B4GALT1: variants seen among roughly 807,000 people sequenced by gnomAD.
The protein encoded by B4GALT1 is N-acetyllactosamine synthase.
Under a neutral mutation model 34.9 loss-of-function variants are expected in B4GALT1, and 16 were observed. The observed-to-expected ratio is 0.46, with a 90% CI of 0.31 to 0.70. B4GALT1 has a LOEUF of 0.70. Among genes scored for constraint, B4GALT1 ranks in the 30% least tolerant of loss-of-function variants. The probability of loss-of-function intolerance (pLI) is 0.05; values close to 1 mark genes in which losing one functional copy is unlikely to be tolerated. For missense variants in B4GALT1, 445 were observed against 530.5 expected, an observed-to-expected ratio of 0.84 and a Z score of 1.58; for synonymous variants, 221 against 218.1, an observed-to-expected ratio of 1.01 and a Z score of -0.12.
intron 1 of B4GALT1, among the ~76,000 whole-genome samples, chr9:33,140,788 G>A (rs1170555698): frequency 2.6e-5 from 4 of 152,252 alleles, no homozygotes; most frequent in Non-Finnish European, 2.9e-5. Flanking sequence ...GGCCAGGTGC[G>A]CACCGCAAGC....
intron 2 of B4GALT1, among the ~76,000 whole-genome samples, chr9:33,122,647 G>C (rs10113903): frequency 0.38 from 57,016 of 151,818 alleles, 11,450 homozygotes; most frequent in East Asian, 0.59. Context: ...AAACCACTTA[G>C]AGAAAGAGAG....
the B4GALT1 span, among the ~76,000 whole-genome samples, chr9:33,173,648 A>G: frequency 6.9e-6 from 1 of 144,314 alleles, no homozygotes; most frequent in African/African-American, 2.6e-5. Context: ...TGGGAGCAGA[A>G]ATTTCCCAAG....
chr9:33,144,995 G>C (rs965608252), intron 1 of B4GALT1, among the ~76,000 whole-genome samples: 1 of 152,198 alleles, frequency 6.6e-6, no homozygotes, highest in African/African-American at 2.4e-5. Context: ...TTACAGTTAA[G>C]ATCAAGATGG....
chr9:33,163,561 G>T (rs562936997), intron 1 of B4GALT1, among the ~76,000 whole-genome samples: 18 of 152,246 alleles, frequency 1.2e-4, no homozygotes, highest in African/African-American at 3.9e-4. Flanking sequence ...TCAGCTTCAG[G>T]TACTGCCCAC....
At chr9:33,181,101 A>G in the B4GALT1 span, among the ~76,000 whole-genome samples, 684 of 152,164 alleles carry the variant, frequency 4.5e-3, 2 homozygotes, top group African/African-American at 0.014. Context: ...GTTCTGAGAA[A>G]TCTCCACTTC....
downstream of B4GALT1, chr9:33,108,898 T>C (rs1365158343): frequency 8.6e-5 from 3 of 34,972 alleles, no homozygotes; most frequent in Admixed American, 1.1e-3. Context: ...TTTTTTGTTC[T>C]AATATTTATG....
rs181388140 is a variant in B4GALT1 at position 33,131,467 on chromosome 9, A to G, written c.648+3722T>C. On this transcript the variant is annotated intron_variant, in intron 2 of 5. Transcript: ENST00000379731. ...AAGCGGAAGGTTGTGTAGCATTTCA[A>G]TGGGGCAGAAAGAAATCTGATACTG... 1.4e-4 allele frequency among the ~76,000 whole-genome samples: 21 copies of G among 152,344 alleles called. No homozygotes were observed. In the East Asian group the frequency reaches 3.9e-3, roughly 28 times the overall value.
downstream of B4GALT1, chr9:33,108,907 T>C (rs965456369): frequency 1.7e-4 from 6 of 34,474 alleles, no homozygotes; most frequent in African/African-American, 3.0e-4. Flanking sequence ...CTAATATTTA[T>C]GCTAGGAGAA....
At chr9:33,106,843 A>T (rs1248047729), downstream of B4GALT1, among the ~76,000 whole-genome samples, 1 of 152,132 alleles carries the variant, frequency 6.6e-6, no homozygotes, top group South Asian at 2.1e-4. Flanking sequence ...CAGAGAGGGG[A>T]ACCAACTTGC....
chr9:33,150,044 T>C (rs1840487057), intron 1 of B4GALT1, among the ~76,000 whole-genome samples: 1 of 152,082 alleles, frequency 6.6e-6, no homozygotes, highest in Non-Finnish European at 1.5e-5. Flanking sequence ...TGATTGTTAA[T>C]TATACTATGT....
rs1168912323 is a variant in B4GALT1, at chr9:33,113,492, A to C, written c.1159T>G (p.Tyr387Asp). Residue 387 changes from tyrosine (Y) to aspartate (D), a missense_variant, in exon 6 of 6, where the codon TAT becomes GAT. Physicochemically the swap from Tyr to Asp is radical, Grantham distance 160. Around this residue, in one of 3 missense-constraint regions of B4GALT1, gnomAD observed 89 missense variants for 107.6 expected, o/e 0.83. Coordinates refer to ENST00000379731, the MANE Select transcript of B4GALT1 (RefSeq NM_001497.4). ...CCGATGTCCACTGTGATTTGGGTATACAATGGGTATCTCTGTACATCCAGC... is the reference window on the plus strand; with the variant it reads ...CCGATGTCCACTGTGATTTGGGTATCCAATGGGTATCTCTGTACATCCAGC... ...QVLDVQRYPL[Y>D]TQITVDIGTP... 5 of 1,614,134 alleles carry C rather than the reference A, an allele frequency of 3.1e-6. No homozygotes were observed. The highest frequency in any genetic ancestry group is 1.3e-5 in the African/African-American group (1 of 74,944).
At chr9:33,170,733 T>C (rs776754793), upstream of B4GALT1, among the ~76,000 whole-genome samples, 17 of 152,206 alleles carry the variant, frequency 1.1e-4, no homozygotes, top group Non-Finnish European at 2.1e-4. Flanking sequence ...ATAATACAGA[T>C]GGCCCAGAAA....
chr9:33,127,156 G>A (rs1587733524), intron 2 of B4GALT1, among the ~76,000 whole-genome samples: 1 of 152,028 alleles, frequency 6.6e-6, no homozygotes, highest in Non-Finnish European at 1.5e-5. Context: ...GTAGAGACGG[G>A]GTTTCACCAT....
At chr9:33,138,975 T>TACAC (rs141586118) in intron 1 of B4GALT1, among the ~76,000 whole-genome samples, 1 of 150,968 alleles carries the variant, frequency 6.6e-6, no homozygotes, top group South Asian at 2.1e-4. Context: ...CACCCTCACA[T>TACAC]ACACACACAC....
chr9:33,176,866 A>G, the B4GALT1 span, among the ~76,000 whole-genome samples: 1 of 152,090 alleles, frequency 6.6e-6, no homozygotes, highest in African/African-American at 2.4e-5. Flanking sequence ...CTACCCATAT[A>G]TTACTATATG....
At chr9:33,104,729 GCAGAA>G (rs552404524) in exon 3 of B4GALT1, 14 of 455,736 alleles carry the variant, frequency 3.1e-5, no homozygotes, top group South Asian at 2.0e-4. Context: ...CACCTCCAGA[GCAGAA>G]CAGACCAGGC....
intron 1 of B4GALT1, among the ~76,000 whole-genome samples, chr9:33,143,966 G>A (rs1163022530): frequency 6.6e-6 from 1 of 151,024 alleles, no homozygotes; most frequent in African/African-American, 2.4e-5. Context: ...TCAAACTGCT[G>A]GGCCCAAGCG....
At chr9:33,168,380 G>C (rs956333535), upstream of B4GALT1, among the ~76,000 whole-genome samples, 2 of 152,218 alleles carry the variant, frequency 1.3e-5, no homozygotes, top group Non-Finnish European at 2.9e-5. Context: ...CCTCACCCCA[G>C]AGAAAGACTC....
intron 1 of B4GALT1, among the ~76,000 whole-genome samples, chr9:33,148,123 T>A (rs1840456029): frequency 6.6e-6 from 1 of 152,104 alleles, no homozygotes; most frequent in Non-Finnish European, 1.5e-5. Context: ...ATATCTAGGA[T>A]GTATAAGGAA....
Sources: gnomAD v4.1 joint callset for allele counts (sites outside exome capture counted in the v4.1 genomes callset) on GRCh38, gnomAD v4.1.1 for gene constraint, gnomAD v4.1.1 regional missense constraint, MANE v1.5 for transcripts, NCBI Gene and HGNC (gene_info 2026-07-23, HGNC 2026-07-21) for gene names.